CFAP69: variants seen among roughly 807,000 people sequenced by gnomAD.
CFAP69 encodes the protein cilia and flagella associated protein 69, also known as cilia- and flagella-associated protein 69.
Under a neutral mutation model 123.0 loss-of-function variants are expected in CFAP69, and 92 were observed. The observed-to-expected ratio is 0.75, with a 90% CI of 0.63 to 0.89. The LOEUF is 0.89. CFAP69 is among the 40% of genes least tolerant of loss of function. The probability of loss-of-function intolerance (pLI) is 0.00; values close to 1 mark genes in which losing one functional copy is unlikely to be tolerated. For missense variants in CFAP69, 1,067 were observed against 1,096.9 expected (o/e 0.97, Z 0.39); for synonymous variants, 380 against 364.3 (o/e 1.04, Z -0.49).
At chr7:90,314,643 A>C (rs1199407004), downstream of CFAP69, among the ~76,000 whole-genome samples, 1 of 151,670 alleles carries the variant, frequency 6.6e-6, no homozygotes, top group Non-Finnish European at 1.5e-5. Context: ...AAATGATGAG[A>C]GGTATATAGG....
downstream of CFAP69, among the ~76,000 whole-genome samples, chr7:90,315,987 G>T (rs1399664384): frequency 6.6e-6 from 1 of 152,100 alleles, no homozygotes; most frequent in East Asian, 1.9e-4. Context: ...CCACCTACTT[G>T]GGAGGCTGAG....
chr7:90,253,351 T>G (rs1217004037), intron 1 of CFAP69, among the ~76,000 whole-genome samples: 1 of 152,116 alleles, frequency 6.6e-6, no homozygotes, highest in Non-Finnish European at 1.5e-5. Context: ...ATTTTTGTTG[T>G]TGTTGGGGTT....
chr7:90,288,204 G>A (rs1409915245), intron 14 of CFAP69, 30 bp from the exon 15 acceptor site: 1 of 1,537,076 alleles, frequency 6.5e-7, no homozygotes, highest in East Asian at 2.3e-5. Flanking sequence ...TTTATTTCAA[G>A]AAATAATTTA....
rs191283840 is a variant in CFAP69, at chr7:90,267,294, C to T, written c.434-992C>T. On this transcript the variant is annotated intron_variant, in intron 5 of 22. Coordinates refer to ENST00000389297, the MANE Select transcript of CFAP69 (RefSeq NM_001039706.3). ...TTCCACTTGCCACCCCACTTGCTGA[C>T]CACCTCCAGAGATGAGCGTCTTGCA... is the stretch of plus-strand genomic sequence containing the variant. Among the ~76,000 whole-genome samples, 608 of 152,310 alleles carry T rather than the reference C, an allele frequency of 4.0e-3. 8 individuals carry two copies. The highest frequency in any genetic ancestry group is 0.038 in the South Asian group (184 of 4,828).
downstream of CFAP69, among the ~76,000 whole-genome samples, chr7:90,314,994 G>A (rs887345961): frequency 4.0e-5 from 6 of 151,806 alleles, no homozygotes; most frequent in Non-Finnish European, 5.9e-5. Flanking sequence ...GCCAACAAGC[G>A]TATGAAAAAA....
the CFAP69 span, chr7:90,319,455 C>G: frequency 5.0e-6 from 2 of 398,554 alleles, no homozygotes; most frequent in East Asian, 7.1e-5. Context: ...CATACATGTC[C>G]CAGAAATCCT....
chr7:90,311,905 TG>T, downstream of CFAP69, among the ~76,000 whole-genome samples: 1 of 152,280 alleles, frequency 6.6e-6, no homozygotes, highest in Non-Finnish European at 1.5e-5. Flanking sequence ...AGGCATAATT[TG>T]TTTCTTTCCT....
At chr7:90,288,912 T>G (rs1790694912) in intron 15 of CFAP69, among the ~76,000 whole-genome samples, 1 of 152,006 alleles carries the variant, frequency 6.6e-6, no homozygotes, top group African/African-American at 2.4e-5. Context: ...AATGTTTTCA[T>G]TTTCTTTATG....
At chr7:90,264,118 T>A (rs1455478100) in intron 4 of CFAP69, among the ~76,000 whole-genome samples, 4,004 of 24,514 alleles carry the variant, frequency 0.16, 894 homozygotes, top group East Asian at 0.7. Context: ...TATATATATA[T>A]ATATATATAT....
At position 90,245,290 on chromosome 7, in the gene CFAP69, T is replaced by G; in HGVS notation, c.-135T>G. On this transcript the variant is annotated 5_prime_UTR_variant, in exon 1 of 23. Transcript: ENST00000389297. ...GGTGGCCTAGGCCCCTGGCGGAATT[T>G]TGGGACCTTTCGCGACTCTAGCGAC... 1.6e-6 allele frequency: 2 copies of G among 1,270,032 alleles called. No homozygotes were observed. Among genetic ancestry groups the G allele is most frequent in the South Asian group, 3.7e-5 (2 of 54,290 alleles). 78.7% of individuals were successfully genotyped at this position (1,270,032 alleles called of 1,614,324 possible).
At chr7:90,269,422 T>C (rs182711508) in intron 6 of CFAP69, among the ~76,000 whole-genome samples, 1 of 152,152 alleles carries the variant, frequency 6.6e-6, no homozygotes, top group Admixed American at 6.5e-5. Context: ...AAAAAATGAT[T>C]CAAAGAAATT....
In CFAP69 at chr7:90,303,956, A is replaced by G; in HGVS notation, c.2051-13A>G. On this transcript the variant is annotated splice_polypyrimidine_tract_variant and intron_variant, in intron 17 of 22. Coordinates refer to ENST00000389297, the MANE Select transcript of CFAP69 (RefSeq NM_001039706.3). ...TCTGTCCCTTTTCTATTTTCATGCTATCCAATGATTAGATACAAAAAAACC... is the reference window on the plus strand; with the variant it reads ...TCTGTCCCTTTTCTATTTTCATGCTGTCCAATGATTAGATACAAAAAAACC... The G allele has an allele frequency of 6.5e-7, 1 of 1,542,616 alleles. No individual in the cohort carries two copies. Among genetic ancestry groups the G allele is most frequent in the Non-Finnish European group, 8.8e-7 (1 of 1,142,578 alleles).
intron 5 of CFAP69, among the ~76,000 whole-genome samples, chr7:90,267,273 A>T (rs1562861065): frequency 6.6e-6 from 1 of 152,056 alleles, no homozygotes. Flanking sequence ...CCTTCTTTCC[A>T]CTTGCCACCC....
Position 90,279,519 on chromosome 7 carries a change from G to T in CFAP69, c.1156-158G>T, listed in dbSNP as rs3810890. 0.52 allele frequency among the ~76,000 whole-genome samples: 75,896 copies of T among 147,222 alleles called. 19,873 individuals carry two copies. Among genetic ancestry groups the T allele is most frequent in the Middle Eastern group, 0.59 (167 of 284 alleles). On this transcript the variant is annotated intron_variant, in intron 11 of 22. Coordinates refer to ENST00000389297, the MANE Select transcript of CFAP69 (RefSeq NM_001039706.3). ...GATTATAACTTATTTAATTTTTGGT[G>T]TTTTTTTTTTGGTACCTATCATAGA...
rs1172905011 is a variant in CFAP69 at position 90,290,869 on chromosome 7, C to G, written c.1775+2517C>G. On this transcript the variant is annotated intron_variant, in intron 15 of 22. Coordinates refer to ENST00000389297, the MANE Select transcript of CFAP69 (RefSeq NM_001039706.3). ...GAAAGGGGACACAGGAAAGTGACCA[C>G]AGCAGGCTTGCAATTTCTGGGAGGA... is the stretch of plus-strand genomic sequence containing the variant. Among the ~76,000 whole-genome samples, 13 of 151,134 alleles carry G rather than the reference C, an allele frequency of 8.6e-5. No homozygotes were observed. In the Admixed American group the frequency reaches 8.6e-4, roughly 10 times the overall value.
intron 18 of CFAP69, 78 bp from the exon 19 acceptor site, chr7:90,304,665 AG>A: frequency 6.9e-7 from 1 of 1,453,518 alleles, no homozygotes; most frequent in South Asian, 1.3e-5. Flanking sequence ...ATAGATAGAT[AG>A]ATAGATAGAT....
downstream of CFAP69, among the ~76,000 whole-genome samples, chr7:90,311,843 GTTCTCTCCTGAATCCCT>G: frequency 6.6e-6 from 1 of 152,202 alleles, no homozygotes; most frequent in East Asian, 1.9e-4. Context: ...AGTGAGCTTT[GTTCTCTCCTGAATCCCT>G]TTCTCTAGTC....
At chr7:90,258,643 T>G (rs1032050285) in intron 3 of CFAP69, among the ~76,000 whole-genome samples, 16 of 152,184 alleles carry the variant, frequency 1.1e-4, no homozygotes, top group Non-Finnish European at 2.2e-4. Context: ...CTTTGCTATG[T>G]AACATAGTTA....
intron 19 of CFAP69, among the ~76,000 whole-genome samples, chr7:90,306,557 C>T (rs775063900): frequency 4.6e-5 from 7 of 152,158 alleles, no homozygotes; most frequent in Non-Finnish European, 1.0e-4. Context: ...AGGAAAGTAA[C>T]GATAGTTCAG....
Sources: gnomAD v4.1 joint callset for allele counts (sites outside exome capture counted in the v4.1 genomes callset) on GRCh38, gnomAD v4.1.1 for gene constraint, MANE v1.5 for transcripts, NCBI Gene and HGNC (gene_info 2026-07-23, HGNC 2026-07-21) for gene names.